IL1RAPL1: variants seen among roughly 807,000 people sequenced by gnomAD.
IL1RAPL1 encodes the protein interleukin-1 receptor accessory protein-like 1.
IL1RAPL1 carries 3 observed loss-of-function variants against 48.4 expected under a neutral mutation model. The ratio of observed to expected loss-of-function variants is 0.06; its 90% CI spans 0.03 to 0.16. The LOEUF (loss-of-function observed/expected upper bound fraction) is 0.16, where lower values mean the gene tolerates loss of function less well. Ranked by LOEUF, IL1RAPL1 falls within the 10% of genes least tolerant of loss-of-function variation. The probability of loss-of-function intolerance (pLI) is 1.00; values close to 1 mark genes in which losing one functional copy is unlikely to be tolerated. For missense variants in IL1RAPL1, 349 were observed against 530.6 expected (o/e 0.66, Z 3.36); for synonymous variants, 185 against 187.7 (o/e 0.99, Z 0.12).
intron 3 of IL1RAPL1, among the ~76,000 whole-genome samples, chrX:29,333,141 C>T (rs1256058101): frequency 9.2e-6 from 1 of 109,196 alleles, no homozygotes; most frequent in Non-Finnish European, 1.9e-5. Context: ...GTCATCATGG[C>T]CCATCCCCAA....
At chrX:28,617,599 T>C (rs145476237) in intron 1 of IL1RAPL1, among the ~76,000 whole-genome samples, 1 of 112,015 alleles carries the variant, frequency 8.9e-6, no homozygotes, top group East Asian at 2.8e-4. Context: ...CAATCCTCAT[T>C]GATAAAGCTC....
At chrX:28,862,627 C>T (rs1921974424) in intron 2 of IL1RAPL1, among the ~76,000 whole-genome samples, 1 of 111,606 alleles carries the variant, frequency 9.0e-6, no homozygotes, top group Non-Finnish European at 1.9e-5. Context: ...CCAGTGGGAC[C>T]AGGTGCATTG....
At chrX:29,078,006 G>A (rs78733454) in intron 2 of IL1RAPL1, among the ~76,000 whole-genome samples, 4,660 of 112,041 alleles carry the variant, frequency 0.042, 96 homozygotes, top group Middle Eastern at 0.065. Context: ...GGCCCAGCAC[G>A]GTGGCTCGTG....
At position 28,757,103 on chromosome X, in the gene IL1RAPL1, A is replaced by C. The variant is rs751067020; in HGVS notation, c.-24-32217A>C. ...ATCACAGTTTCCCATGAAGGAAGTTATTTCTTTCTTTATCCTTCAATTTCT... is the reference window on the plus strand; with the variant it reads ...ATCACAGTTTCCCATGAAGGAAGTTCTTTCTTTCTTTATCCTTCAATTTCT... On this transcript the variant is annotated intron_variant, in intron 1 of 10. Transcript: ENST00000378993. 7.1e-5 allele frequency among the ~76,000 whole-genome samples: 8 copies of C among 112,430 alleles called. No homozygotes were observed. The South Asian group carries it at 2.2e-3, about 31-fold the overall frequency.
chrX:28,726,713 A>G (rs144937666), intron 1 of IL1RAPL1, among the ~76,000 whole-genome samples: 1,475 of 111,894 alleles, frequency 0.013, 27 homozygotes, highest in African/African-American at 0.046. Context: ...GTTCCTATGA[A>G]GTAAATGTCA....
At chrX:29,487,502 G>A (rs1935109321) in intron 5 of IL1RAPL1, among the ~76,000 whole-genome samples, 1 of 111,611 alleles carries the variant, frequency 9.0e-6, no homozygotes, top group African/African-American at 3.3e-5. Flanking sequence ...AAAGAAGATG[G>A]GCGTGCATGC....
chrX:28,661,982 T>C (rs774198134), intron 1 of IL1RAPL1, among the ~76,000 whole-genome samples: 6 of 111,567 alleles, frequency 5.4e-5, no homozygotes, highest in Middle Eastern at 4.7e-3. Flanking sequence ...GTATTAAAAA[T>C]ATTCTCCAGC....
intron 3 of IL1RAPL1, among the ~76,000 whole-genome samples, chrX:29,350,381 C>T (rs1248587783): frequency 9.8e-6 from 1 of 102,397 alleles, no homozygotes; most frequent in African/African-American, 3.7e-5. Context: ...CCATCAGGTC[C>T]TCAGATAACA....
intron 5 of IL1RAPL1, among the ~76,000 whole-genome samples, chrX:29,508,511 A>G (rs910760625): frequency 2.7e-5 from 3 of 112,124 alleles, no homozygotes; most frequent in African/African-American, 9.7e-5. Flanking sequence ...ATTGAATTGC[A>G]TATTTGGTTC....
chrX:29,109,147 A>G (rs1217239106), intron 2 of IL1RAPL1, among the ~76,000 whole-genome samples: 2 of 111,749 alleles, frequency 1.8e-5, no homozygotes, highest in Admixed American at 1.9e-4. Context: ...TATTCAAAAA[A>G]AAGCAAATAA....
At chrX:29,497,897 A>G (rs1935230707) in intron 5 of IL1RAPL1, among the ~76,000 whole-genome samples, 1 of 111,923 alleles carries the variant, frequency 8.9e-6, no homozygotes, top group Non-Finnish European at 1.9e-5. Context: ...GAATAGAGCT[A>G]ACACCAATCC....
rs761760220 is a variant in IL1RAPL1 at position 28,874,855 on chromosome X, C to T, written c.82+85430C>T. Among the ~76,000 whole-genome samples, 136 of 111,969 alleles carry T rather than the reference C, an allele frequency of 1.2e-3. 1 individual carries two copies. The highest frequency in any genetic ancestry group is 4.1e-3 in the African/African-American group (127 of 30,860). Reference sequence around the variant, plus strand: ...CTCTAAAGAAAGAATGGGAAGAATTCAGAACAGTAATCAGTTTTAATTGAG... The same window carrying T: ...CTCTAAAGAAAGAATGGGAAGAATTTAGAACAGTAATCAGTTTTAATTGAG... On this transcript the variant is annotated intron_variant, in intron 2 of 10. Coordinates refer to ENST00000378993, the MANE Select transcript of IL1RAPL1 (RefSeq NM_014271.4).
intron 2 of IL1RAPL1, among the ~76,000 whole-genome samples, chrX:29,047,897 TC>T (rs1480368033): frequency 4.5e-5 from 5 of 110,098 alleles, no homozygotes; most frequent in South Asian, 3.9e-4. Flanking sequence ...ATTGGGCACT[TC>T]CCCCCCTATA....
At chrX:29,014,362 C>A (rs969937469) in intron 2 of IL1RAPL1, among the ~76,000 whole-genome samples, 5 of 110,855 alleles carry the variant, frequency 4.5e-5, no homozygotes, top group Non-Finnish European at 7.6e-5. Flanking sequence ...AAATTTTTAT[C>A]TTTTATTTCT....
At chrX:29,035,236 T>A (rs1926708032) in intron 2 of IL1RAPL1, among the ~76,000 whole-genome samples, 1 of 111,202 alleles carries the variant, frequency 9.0e-6, no homozygotes, top group Admixed American at 9.7e-5. Context: ...CTTGAGCCAC[T>A]GATTATCAAT....
intron 5 of IL1RAPL1, among the ~76,000 whole-genome samples, chrX:29,642,906 TA>T (rs1053970068): frequency 8.9e-6 from 1 of 112,285 alleles, no homozygotes; most frequent in African/African-American, 3.2e-5. Flanking sequence ...AGCTGGAATT[TA>T]AACTCTAAAC....
intron 2 of IL1RAPL1, among the ~76,000 whole-genome samples, chrX:28,841,926 G>A (rs1921382708): frequency 9.0e-6 from 1 of 110,608 alleles, no homozygotes; most frequent in African/African-American, 3.3e-5. Context: ...ATGTACAATG[G>A]TATGATAATC....
At chrX:29,764,268 C>T (rs754826744) in intron 6 of IL1RAPL1, among the ~76,000 whole-genome samples, 41 of 111,576 alleles carry the variant, frequency 3.7e-4, no homozygotes, top group African/African-American at 1.3e-3. Context: ...AGCATTGCTT[C>T]CATTTTATGT....
chrX:29,789,104 G>A (rs1178122499), intron 6 of IL1RAPL1, among the ~76,000 whole-genome samples: 4 of 111,945 alleles, frequency 3.6e-5, no homozygotes, highest in Non-Finnish European at 5.7e-5. Flanking sequence ...AAATAAATGC[G>A]CATTGTTCGT....
Sources: allele counts gnomAD v4.1 joint callset (sites outside exome capture counted in the v4.1 genomes callset), GRCh38; gene constraint gnomAD v4.1.1; transcripts MANE v1.5; gene names NCBI Gene and HGNC (gene_info 2026-07-23, HGNC 2026-07-21).